Variants in ZNF534 observed in about 807,000 individuals in gnomAD.
ZNF534 encodes zinc finger protein 534.
In ZNF534, 19 loss-of-function variants were observed where a neutral mutation model predicts 13.6. The observed-to-expected ratio is 1.40, with a 90% confidence interval of 0.97 to 2.05. ZNF534 has a LOEUF of 2.05. Among genes scored for constraint, ZNF534 ranks in the 30% most tolerant of loss-of-function variants. ZNF534 has a pLI of 0.00. For synonymous variants in ZNF534, 244 were observed against 273.8 expected, an observed-to-expected ratio of 0.89 and a Z score of 1.07; for missense variants, 782 against 796.3, an observed-to-expected ratio of 0.98 and a Z score of 0.22.
chr19:52,430,597 C>A (rs982552403), intron 1 of ZNF534, among the ~76,000 whole-genome samples: 19 of 151,442 alleles, frequency 1.3e-4, no homozygotes, highest in Admixed American at 4.6e-4. Flanking sequence ...GTCACCCAGG[C>A]TGGAGTGCAG....
At chr19:52,445,210 T>C (rs1329276036), downstream of ZNF534, among the ~76,000 whole-genome samples, 1 of 151,670 alleles carries the variant, frequency 6.6e-6, no homozygotes, top group African/African-American at 2.4e-5. Context: ...TTTTTTTTTT[T>C]TTTTGAGACA....
At chr19:52,435,307 G>A in intron 4 of ZNF534, 98 bp downstream of exon 4, 1 of 1,339,816 alleles carries the variant, frequency 7.5e-7, no homozygotes, top group Non-Finnish European at 1.0e-6. Flanking sequence ...GGCAATCATA[G>A]CTCACAGCAG....
Position 52,439,225 on chromosome 19 carries a change from C to T in ZNF534, c.1765C>T (p.Arg589Trp), listed in dbSNP as rs756379445. 94 of 1,530,230 alleles carry T rather than the reference C, an allele frequency of 6.1e-5. No individual in the cohort carries two copies. The highest frequency in any genetic ancestry group is 1.4e-4 in the Admixed American group (7 of 51,458). The allele number at this position is 1,530,230 out of a possible 1,614,324, so 94.8% of individuals were successfully genotyped here. Residue 589 changes from arginine to tryptophan, a missense_variant, in exon 5 of 5, where the codon CGG (arginine) becomes TGG (tryptophan). This residue lies in a region of ZNF534 where 20 missense variants were observed against 43.6 expected (regional missense o/e 0.46). Coordinates refer to ENST00000433050, the MANE Select transcript of ZNF534 (RefSeq NM_001143938.3). ...SCNECGKVFS[R>W]NSHLARHRKI... ...TAATGAATGTGGCAAGGTCTTCAGT[C>T]GGAATTCACACCTTGCGCGACATAG...
exon 5 of ZNF534, chr19:52,451,949 A>T (rs2059219103): frequency 4.8e-6 from 2 of 414,092 alleles, no homozygotes; most frequent in Admixed American, 6.2e-5. Flanking sequence ...ATTAAAATTT[A>T]TGCCAAGAAC....
chr19:52,432,441 C>T (rs1007020534), intron 2 of ZNF534, among the ~76,000 whole-genome samples: 4 of 152,016 alleles, frequency 2.6e-5, no homozygotes, highest in Non-Finnish European at 4.4e-5. Context: ...GGCAAGCTAG[C>T]GTGTATGTGA....
In ZNF534 at chr19:52,431,495, G is replaced by C. The variant is rs2059086980; in HGVS notation, c.15+6G>C. On this transcript the variant is annotated splice_donor_region_variant and intron_variant, in intron 2 of 4. Coordinates refer to ENST00000433050, the MANE Select transcript of ZNF534 (RefSeq NM_001143938.3). ...CAGGAATGGCCCTTACTCAGGTAAGGTAATGTTCTCAGTGGATTGTTCTGT... is the reference window on the plus strand; with the variant it reads ...CAGGAATGGCCCTTACTCAGGTAAGCTAATGTTCTCAGTGGATTGTTCTGT... The C allele has an allele frequency of 1.9e-6, 3 of 1,614,014 alleles. No individual in the cohort carries two copies. Among genetic ancestry groups the C allele is most frequent in the African/African-American group, 2.7e-5 (2 of 74,930 alleles).
rs2059164324 is a variant in ZNF534 at position 52,440,375 on chromosome 19, CAAATA to C, written c.*934_*938del. On this transcript the variant is annotated 3_prime_UTR_variant, in exon 5 of 5. Coordinates refer to ENST00000433050, the MANE Select transcript of ZNF534 (RefSeq NM_001143938.3). ...CCTTACAAATGAATGACAGCATCTT[CAAATA>C]AAATGCACATCTGGCACAACATTGG... is the stretch of plus-strand genomic sequence containing the variant. Among the ~76,000 whole-genome samples, 1 of 152,210 alleles carries C rather than the reference CAAATA, an allele frequency of 6.6e-6. No individual in the cohort carries two copies. Among genetic ancestry groups the C allele is most frequent in the African/African-American group, 2.4e-5 (1 of 41,448 alleles).
chr19:52,444,530 G>A (rs1203965087), downstream of ZNF534, among the ~76,000 whole-genome samples: 1 of 152,088 alleles, frequency 6.6e-6, no homozygotes, highest in African/African-American at 2.4e-5. Flanking sequence ...GTAGTATGGG[G>A]AGGATTAGGT....
chr19:52,429,723 G>A (rs1431061882), intron 1 of ZNF534, among the ~76,000 whole-genome samples: 2 of 151,922 alleles, frequency 1.3e-5, no homozygotes, highest in South Asian at 4.2e-4. Flanking sequence ...GGCCTCCCGA[G>A]TAGCTGGGAT....
intron 4 of ZNF534, among the ~76,000 whole-genome samples, chr19:52,448,019 G>A (rs1250132521): frequency 6.6e-6 from 1 of 151,958 alleles, no homozygotes; most frequent in Non-Finnish European, 1.5e-5. Context: ...CTTCTTTACA[G>A]GTTTAATAGA....
rs2059212763 is a variant in ZNF534 at position 52,451,089 on chromosome 19, A to G, written c.272-98A>G. On this transcript the variant is annotated intron_variant, in intron 4 of 4. Transcript: ENST00000301085. ...CGTTTGGTAGTATGATCATATACACAATATTAATTTTTTCCCACCCATAAA... is the reference window on the plus strand; with the variant it reads ...CGTTTGGTAGTATGATCATATACACGATATTAATTTTTTCCCACCCATAAA... 4 of 446,012 alleles carry G rather than the reference A, an allele frequency of 9.0e-6. No homozygotes were observed. In the Admixed American group the frequency reaches 2.2e-4, roughly 25 times the overall value. 27.6% of individuals were successfully genotyped at this position (446,012 alleles called of 1,614,324 possible).
Position 52,439,819 on chromosome 19 carries a change from A to G in ZNF534, c.*373A>G, listed in dbSNP as rs892893278. Among the ~76,000 whole-genome samples the G allele has an allele frequency of 2.0e-5, 3 of 152,050 alleles. No homozygotes were observed. The highest frequency in any genetic ancestry group is 4.8e-5 in the African/African-American group (2 of 41,396). ...CATGGTGGCTCACGCCTTTAATCCC[A>G]GTACTTTGGGAGGCCAAGGTGGCCA... On this transcript the variant is annotated 3_prime_UTR_variant, in exon 5 of 5. Coordinates refer to ENST00000433050, the MANE Select transcript of ZNF534 (RefSeq NM_001143938.3).
At position 52,430,265 on chromosome 19, in the gene ZNF534, C is replaced by T. The variant is rs190107729; in HGVS notation, c.-68+1021C>T. Among the ~76,000 whole-genome samples, 963 of 152,132 alleles carry T rather than the reference C, an allele frequency of 6.3e-3. 2 individuals carry two copies. Among genetic ancestry groups the T allele is most frequent in the Non-Finnish European group, 0.011 (721 of 68,004 alleles). On this transcript the variant is annotated intron_variant, in intron 1 of 4. Transcript: ENST00000433050. ...TCCTGACCTCAGGTGATCCACCTGC[C>T]TCGGCCTCCCAAAGTGCTGGGATTA... is the stretch of plus-strand genomic sequence containing the variant.
rs774037873 is a variant in ZNF534 at position 52,434,045 on chromosome 19, G to T, written c.106G>T (p.Val36Leu). Reference sequence around the variant, plus strand: ...TGGGCAGAAAGCTTTATACAGGGACGTGATGTTAGAGAACTACAGGAACCT... The same window carrying T: ...TGGGCAGAAAGCTTTATACAGGGACTTGATGTTAGAGAACTACAGGAACCT... ...DPGQKALYRD[V>L]MLENYRNLVS... The change falls in exon 3 of 5, where the codon GTG (valine) becomes TTG (leucine). Residue 36 changes from valine (V) to leucine (L), a missense_variant. Val to Leu is a conservative substitution (Grantham distance 32). Transcript: ENST00000433050. 2 of 1,614,040 alleles carry T rather than the reference G, an allele frequency of 1.2e-6. No individual in the cohort carries two copies. Among genetic ancestry groups the T allele is most frequent in the Non-Finnish European group, 1.7e-6 (2 of 1,180,046 alleles).
chr19:52,433,716 T>C (rs1223227932), intron 2 of ZNF534, among the ~76,000 whole-genome samples: 1 of 152,234 alleles, frequency 6.6e-6, no homozygotes, highest in Non-Finnish European at 1.5e-5. Context: ...TTTTTGTTTG[T>C]ATTGCTTGTA....
downstream of ZNF534, among the ~76,000 whole-genome samples, chr19:52,445,576 G>A (rs113177461): frequency 5.7e-3 from 861 of 152,226 alleles, 11 homozygotes; most frequent in African/African-American, 0.02. Context: ...TGCCAGTGAC[G>A]GTTTGTGTTC....
Position 52,431,401 on chromosome 19 carries a change from A to G in ZNF534, c.-67-7A>G. Reference sequence around the variant, plus strand: ...TAAGCCCTAAACAGCATTATTTTTGATACTAGGATTCACTTTCAAAGAGAC... The same window carrying G: ...TAAGCCCTAAACAGCATTATTTTTGGTACTAGGATTCACTTTCAAAGAGAC... On this transcript the variant is annotated splice_region_variant and splice_polypyrimidine_tract_variant and intron_variant, in intron 1 of 4. Transcript: ENST00000433050. 4 of 1,598,872 alleles carry G rather than the reference A, an allele frequency of 2.5e-6. No individual in the cohort carries two copies. Among genetic ancestry groups the G allele is most frequent in the Non-Finnish European group, 3.4e-6 (4 of 1,167,234 alleles).
At chr19:52,447,410 G>T (rs1468728426), downstream of ZNF534, among the ~76,000 whole-genome samples, 1 of 152,190 alleles carries the variant, frequency 6.6e-6, no homozygotes, top group Non-Finnish European at 1.5e-5. Context: ...ATGGCAAAAA[G>T]AGTGGACATA....
chr19:52,435,178 T>C lies in ZNF534; in HGVS notation c.240T>C (p.Asp80=), dbSNP rs2059120940. ...QSEVKIINNP[D]GRECIKGVNT... ...AAGTGAAAATAATAAACAATCCAGA[T>C]GGCAGGGAGTGCATCAAAGGTGTGA... The change falls in exon 4 of 5, where the codon GAT becomes GAC. Residue 80 remains aspartate (D), a synonymous_variant. Transcript: ENST00000433050. 1 of 1,612,468 alleles carries C rather than the reference T, an allele frequency of 6.2e-7. No homozygotes were observed. Among genetic ancestry groups the C allele is most frequent in the Admixed American group, 1.7e-5 (1 of 59,894 alleles).
Sources: gnomAD v4.1 joint callset for allele counts (sites outside exome capture counted in the v4.1 genomes callset) on GRCh38, gnomAD v4.1.1 for gene constraint, gnomAD v4.1.1 regional missense constraint, MANE v1.5 for transcripts, NCBI Gene and HGNC (gene_info 2026-07-23, HGNC 2026-07-21) for gene names.